DMD: variants seen among roughly 807,000 people sequenced by gnomAD.
DMD encodes the protein dystrophin, also known as mutant dystrophin.
In DMD, 63 loss-of-function variants were observed where a neutral mutation model predicts 330.1. The ratio of observed to expected loss-of-function variants is 0.19; its 90% CI spans 0.16 to 0.24. The LOEUF is 0.24. Among genes scored for constraint, DMD ranks in the 10% least tolerant of loss-of-function variants. The probability of loss-of-function intolerance (pLI) is 1.00; values close to 1 mark genes in which losing one functional copy is unlikely to be tolerated. For missense variants in DMD, 3,344 were observed against 2,684.1 expected (o/e 1.25, Z -5.43); for synonymous variants, 1,223 against 959.8 (o/e 1.27, Z -5.07).
chrX:32,751,692 C>A (rs904984918), intron 7 of DMD, among the ~76,000 whole-genome samples: 3 of 112,468 alleles, frequency 2.7e-5, no homozygotes, highest in African/African-American at 9.7e-5. Context: ...AGAAAAATGT[C>A]TCCAGGGCAC....
chrX:33,332,208 A>T (rs1022219363), intron 1 of DMD, among the ~76,000 whole-genome samples: 8 of 111,485 alleles, frequency 7.2e-5, no homozygotes, highest in African/African-American at 2.6e-4. Flanking sequence ...AGAGTCTATA[A>T]ATTTCTCAAG....
intron 22 of DMD, among the ~76,000 whole-genome samples, chrX:32,470,103 C>CA (rs1243458926): frequency 1.8e-5 from 2 of 110,384 alleles, no homozygotes; most frequent in South Asian, 3.7e-4. Context: ...ATTTAGTATG[C>CA]AAAAAAAATT....
At chrX:32,628,756 T>A (rs759377736) in intron 11 of DMD, among the ~76,000 whole-genome samples, 8 of 111,718 alleles carry the variant, frequency 7.2e-5, no homozygotes, top group Non-Finnish European at 1.5e-4. Flanking sequence ...ATAGTTTCCT[T>A]CTTAACTTCT....
chrX:31,737,613 T>C (rs183734674), intron 51 of DMD, among the ~76,000 whole-genome samples: 105 of 112,140 alleles, frequency 9.4e-4, no homozygotes, highest in African/African-American at 3.1e-3. Flanking sequence ...ACCAAGCCAA[T>C]AGACAAGCAA....
intron 1 of DMD, among the ~76,000 whole-genome samples, chrX:33,189,547 G>A (rs1290272950): frequency 9.0e-6 from 1 of 110,873 alleles, no homozygotes; most frequent in Non-Finnish European, 1.9e-5. Flanking sequence ...GTGGAAACCA[G>A]GCTTTAATTA....
At chrX:31,261,819 T>C (rs1416433341) in intron 62 of DMD, 2 of 112,384 alleles carry the variant, frequency 1.8e-5, no homozygotes, top group African/African-American at 6.5e-5. Flanking sequence ...TTCCTTACTT[T>C]GGCCCATCTA....
chrX:32,184,742 A>G (rs1403360393), intron 44 of DMD, among the ~76,000 whole-genome samples: 2 of 109,263 alleles, frequency 1.8e-5, no homozygotes, highest in African/African-American at 3.3e-5. Context: ...TGGATGAAAT[A>G]TAAGGCTTTT....
intron 21 of DMD, among the ~76,000 whole-genome samples, chrX:32,478,731 A>C (rs919334464): frequency 3.3e-4 from 37 of 111,744 alleles, no homozygotes; most frequent in African/African-American, 1.1e-3. Context: ...TATGCCTTTT[A>C]ATTACTTCAC....
At chrX:32,137,973 TTGGCAGATCTCGG>T (rs952316672) in intron 44 of DMD, among the ~76,000 whole-genome samples, 4 of 109,868 alleles carry the variant, frequency 3.6e-5, no homozygotes, top group African/African-American at 1.3e-4. Context: ...ACATTCCAAT[TTGGCAGATCTCGG>T]TGGGCCCAGG....
At chrX:32,402,528 T>C (rs780598024) in intron 30 of DMD, among the ~76,000 whole-genome samples, 9 of 111,429 alleles carry the variant, frequency 8.1e-5, no homozygotes, top group Non-Finnish European at 1.7e-4. Flanking sequence ...ATCTAGTGTT[T>C]TCAAATATTC....
At chrX:33,096,151 T>A (rs1369981779) in intron 1 of DMD, among the ~76,000 whole-genome samples, 1 of 108,975 alleles carries the variant, frequency 9.2e-6, no homozygotes, top group African/African-American at 3.3e-5. Context: ...ACTTTTTGTA[T>A]TTTTAGTAGA....
chrX:31,214,133 C>T (rs766171850), intron 64 of DMD, among the ~76,000 whole-genome samples: 1 of 112,387 alleles, frequency 8.9e-6, no homozygotes, highest in South Asian at 3.7e-4. Flanking sequence ...GGAGTCCCAA[C>T]CAAAAAGCTG....
chrX:32,227,869 C>G (rs1266698925), intron 43 of DMD, among the ~76,000 whole-genome samples: 1 of 111,059 alleles, frequency 9.0e-6, no homozygotes, highest in Non-Finnish European at 1.9e-5. Context: ...GGGCTTAAAT[C>G]TCTAGACAGG....
chrX:32,602,122 TTAAA>T (rs1299152269), intron 12 of DMD, among the ~76,000 whole-genome samples: 1 of 112,044 alleles, frequency 8.9e-6, no homozygotes, highest in Non-Finnish European at 1.9e-5. Flanking sequence ...TGTTAAATCC[TTAAA>T]TAATACCTGA....
chrX:31,449,795 T>TAGATAGATAGATAGATAG (rs1422679507), intron 59 of DMD, among the ~76,000 whole-genome samples: 1 of 81,281 alleles, frequency 1.2e-5, no homozygotes, highest in African/African-American at 4.9e-5. Flanking sequence ...TATATATATA[T>TAGATAGATAGATAGATAG]ATAGATAGAT....
chrX:32,839,205 A>C (rs1233690857), intron 4 of DMD, among the ~76,000 whole-genome samples: 1 of 109,784 alleles, frequency 9.1e-6, no homozygotes, highest in African/African-American at 3.3e-5. Context: ...CTTTATCTCT[A>C]AACTCACTCT....
At chrX:31,429,783 T>G (rs982498975) in intron 60 of DMD, among the ~76,000 whole-genome samples, 1 of 110,291 alleles carries the variant, frequency 9.1e-6, no homozygotes, top group Non-Finnish European at 1.9e-5. Flanking sequence ...AGAGCTATCA[T>G]AAAAAGGTAA....
chrX:31,988,632 C>T (rs1465379494), intron 44 of DMD, among the ~76,000 whole-genome samples: 6 of 110,448 alleles, frequency 5.4e-5, no homozygotes, highest in South Asian at 7.7e-4. Flanking sequence ...ACTAATTCTT[C>T]CTTTTTAATT....
intron 7 of DMD, among the ~76,000 whole-genome samples, chrX:32,721,422 T>G (rs1304379514): frequency 9.1e-6 from 1 of 110,360 alleles, no homozygotes; most frequent in Non-Finnish European, 1.9e-5. Flanking sequence ...AGTAATACCT[T>G]ATTATGATTT....
Sources: gnomAD v4.1 joint callset for allele counts (sites outside exome capture counted in the v4.1 genomes callset) on GRCh38, gnomAD v4.1.1 for gene constraint, MANE v1.5 for transcripts, NCBI Gene and HGNC (gene_info 2026-07-23, HGNC 2026-07-21) for gene names.